PCLO: variants seen among roughly 807,000 people sequenced by gnomAD.
The protein encoded by PCLO is piccolo presynaptic cytomatrix protein, also known as protein piccolo.
PCLO carries 82 observed loss-of-function variants against 427.5 expected under a neutral mutation model. The ratio of observed to expected loss-of-function variants is 0.19; its 90% CI spans 0.16 to 0.23. The LOEUF (loss-of-function observed/expected upper bound fraction) is 0.23, where lower values mean the gene tolerates loss of function less well. Ranked by LOEUF, PCLO falls within the 10% of genes least tolerant of loss-of-function variation. The pLI is 1.00. For synonymous variants in PCLO, 2,357 were observed against 2,155.4 expected, an observed-to-expected ratio of 1.09 and a Z score of -2.59; for missense variants, 6,239 against 6,115.9, an observed-to-expected ratio of 1.02 and a Z score of -0.67.
chr7:83,146,735 G>A (rs997205886), intron 2 of PCLO, among the ~76,000 whole-genome samples: 8 of 151,812 alleles, frequency 5.3e-5, no homozygotes, highest in Admixed American at 1.3e-4. Context: ...AGAGTAGCTG[G>A]GATTACAGGT....
intron 10 of PCLO, among the ~76,000 whole-genome samples, chr7:82,864,776 A>G (rs1330760571): frequency 6.6e-5 from 10 of 152,178 alleles, no homozygotes; most frequent in African/African-American, 1.9e-4. Context: ...GGATAAAATC[A>G]GAGAGACTGG....
At chr7:82,962,774 T>C (rs1054559107) in intron 4 of PCLO, among the ~76,000 whole-genome samples, 2 of 152,126 alleles carry the variant, frequency 1.3e-5, no homozygotes, top group South Asian at 2.1e-4. Flanking sequence ...TGGCAGTACA[T>C]GTGAAAAACA....
intron 10 of PCLO, among the ~76,000 whole-genome samples, chr7:82,872,559 A>G (rs1004010025): frequency 2.6e-5 from 4 of 152,112 alleles, no homozygotes; most frequent in African/African-American, 9.7e-5. Flanking sequence ...TAGTTGAAGA[A>G]GCCACAGAAC....
chr7:83,108,083 A>C (rs559338181), intron 3 of PCLO, among the ~76,000 whole-genome samples: 1 of 151,970 alleles, frequency 6.6e-6, no homozygotes, highest in African/African-American at 2.4e-5. Context: ...GGCAATAGTT[A>C]TGGCCATTGA....
At chr7:83,081,287 C>A (rs1157192216) in intron 3 of PCLO, among the ~76,000 whole-genome samples, 2 of 151,842 alleles carry the variant, frequency 1.3e-5, no homozygotes, top group Non-Finnish European at 2.9e-5. Context: ...ACTCTAATTG[C>A]CAAATACAGA....
chr7:83,019,259 C>T (rs1052265433), intron 3 of PCLO, among the ~76,000 whole-genome samples: 2 of 151,662 alleles, frequency 1.3e-5, no homozygotes, highest in African/African-American at 4.8e-5. Context: ...CTTAAGTGGA[C>T]CAAATGTATT....
In PCLO at chr7:83,134,389, T is replaced by G; in HGVS notation, c.3161A>C (p.Lys1054Thr). The change falls in exon 3 of 25, where the codon AAA becomes ACA. Residue 1054 changes from lysine (K) to threonine (T), a missense_variant. This residue lies in a region of PCLO where 4,677 missense variants were observed against 4,468.4 expected (regional missense o/e 1.05). Transcript: ENST00000333891. ...GCAGAGAGGACAGGTTGATTCTGGTTTGGGCGATTTCTCCAGTTTTGTGGG... is the reference window on the plus strand; with the variant it reads ...GCAGAGAGGACAGGTTGATTCTGGTGTGGGCGATTTCTCCAGTTTTGTGGG... ...VLPTKLEKSPKPESTCPLCKT... is the reference protein window; with the variant it reads ...VLPTKLEKSPTPESTCPLCKT... 6.2e-7 allele frequency: 1 copy of G among 1,613,836 alleles called. No homozygotes were observed. Among genetic ancestry groups the G allele is most frequent in the African/African-American group, 1.3e-5 (1 of 75,026 alleles).
chr7:82,794,433 G>A (rs1413110086), intron 22 of PCLO, among the ~76,000 whole-genome samples: 1 of 110,730 alleles, frequency 9.0e-6, no homozygotes, highest in East Asian at 2.8e-4. Flanking sequence ...CATTGTTACT[G>A]ACATGCTAGT....
intron 3 of PCLO, among the ~76,000 whole-genome samples, chr7:83,055,267 A>G (rs534769621): frequency 8.5e-5 from 13 of 152,266 alleles, no homozygotes; most frequent in Middle Eastern, 3.4e-3. Flanking sequence ...TGGAGAGGAA[A>G]GTGCCTAGAG....
chr7:82,769,462 G>A (rs1357535977), intron 22 of PCLO, among the ~76,000 whole-genome samples: 1 of 152,042 alleles, frequency 6.6e-6, no homozygotes, highest in Non-Finnish European at 1.5e-5. Context: ...CATTATTGGT[G>A]TCTGTACCAC....
In PCLO at chr7:83,154,671, T is replaced by C. The variant is rs1432050190; in HGVS notation, c.1893+77A>G. The C allele has an allele frequency of 2.3e-5, 24 of 1,026,036 alleles. No individual in the cohort carries two copies. In the East Asian group the frequency reaches 5.3e-4, roughly 23 times the overall value. The allele number at this position is 1,026,036 out of a possible 1,614,324, so 63.6% of individuals were successfully genotyped here. A position where few individuals can be genotyped will look rare whatever the true frequency, so the allele number is the denominator to read the frequency against. On this transcript the variant is annotated intron_variant, in intron 2 of 24. Coordinates refer to ENST00000333891, the MANE Select transcript of PCLO (RefSeq NM_033026.6). ...AAAGACAATGCCATCATGTCATATA[T>C]GTGTTTAGTTAAGCATCATTTGTAT...
At position 82,915,081 on chromosome 7, in the gene PCLO, T is replaced by A. The variant is rs745872580; in HGVS notation, c.12905A>T (p.Asp4302Val). The A allele has an allele frequency of 6.2e-7, 1 of 1,606,796 alleles. No individual in the cohort carries two copies. The highest frequency in any genetic ancestry group is 8.5e-7 in the Non-Finnish European group (1 of 1,176,070). The change falls in exon 7 of 25, where the codon GAT becomes GTT. Residue 4302 changes from aspartate (D) to valine (V), a missense_variant. Transcript: ENST00000333891. ...SSRPSSVYGL[D>V]LSIKRDSSSS... Reference sequence around the variant, plus strand: ...AGAAGAATCCCTTTTAATTGATAAATCAAGCCCATAGACAGAGGAAGGTCT... The same window carrying A: ...AGAAGAATCCCTTTTAATTGATAAAACAAGCCCATAGACAGAGGAAGGTCT...
intron 22 of PCLO, among the ~76,000 whole-genome samples, chr7:82,796,134 T>A (rs184811403): frequency 7.4e-4 from 113 of 152,286 alleles, no homozygotes; most frequent in Admixed American, 3.9e-3. Flanking sequence ...CATTTAACTT[T>A]TTAGTGGTCA....
chr7:82,888,651 T>A (rs1793684229), intron 9 of PCLO, among the ~76,000 whole-genome samples: 1 of 152,172 alleles, frequency 6.6e-6, no homozygotes. Context: ...TTTTCAATGA[T>A]TTCAAGATGC....
In PCLO at chr7:82,953,754, T is replaced by G; in HGVS notation, c.7199A>C (p.Asp2400Ala). 6.5e-7 allele frequency: 1 copy of G among 1,548,640 alleles called. No homozygotes were observed. Among genetic ancestry groups the G allele is most frequent in the Non-Finnish European group, 8.7e-7 (1 of 1,145,888 alleles). The change falls in exon 5 of 25, where the codon GAT (aspartate) becomes GCT (alanine). Residue 2400 changes from aspartate to alanine, a missense_variant. Physicochemically the swap from Asp to Ala is moderately radical, Grantham distance 126. This residue lies in a region of PCLO where 4,677 missense variants were observed against 4,468.4 expected (regional missense o/e 1.05). Transcript: ENST00000333891. ...AGGGGGAGGAGGTTGAGCTGATATA[T>G]CCAAAGAAGAACTTCTAAAGAATGG... ...PRPFFRSSSL[D>A]ISAQPPPPPP...
chr7:82,998,395 AACAACAACAACAACAAC>A (rs1787686929), intron 3 of PCLO, among the ~76,000 whole-genome samples: 7 of 21,098 alleles, frequency 3.3e-4, no homozygotes, highest in East Asian at 7.7e-3. Flanking sequence ...CTTTAAAAAC[AACAACAACAACAACAAC>A]AACAACAACA....
chr7:82,999,496 TATAATATTATATTAAAATATAAAATATA>T (rs1787732027), intron 3 of PCLO, among the ~76,000 whole-genome samples: 1 of 68,606 alleles, frequency 1.5e-5, no homozygotes, highest in Admixed American at 2.0e-4. Context: ...ATATAATATA[TATAATATTATATTAAAATATAAAATATA>T]ATATTATATT....
At chr7:83,071,955 A>G (rs1209029825) in intron 3 of PCLO, among the ~76,000 whole-genome samples, 1 of 152,170 alleles carries the variant, frequency 6.6e-6, no homozygotes, top group East Asian at 1.9e-4. Context: ...TATTTTTTAC[A>G]TGGAAGATAA....
chr7:82,765,556 T>C (rs1381907679), intron 22 of PCLO, among the ~76,000 whole-genome samples: 3 of 152,032 alleles, frequency 2.0e-5, no homozygotes, highest in Non-Finnish European at 4.4e-5. Flanking sequence ...AGAAATGACA[T>C]GTGTTCTCTT....
Sources: gnomAD v4.1 joint callset for allele counts (sites outside exome capture counted in the v4.1 genomes callset) on GRCh38, gnomAD v4.1.1 for gene constraint, gnomAD v4.1.1 regional missense constraint, MANE v1.5 for transcripts, NCBI Gene and HGNC (gene_info 2026-07-23, HGNC 2026-07-21) for gene names.